The following PROM1 variants were observed in gnomAD, a reference collection of about 807,000 sequenced individuals.
PROM1 encodes the protein prominin-1.
A neutral mutation model predicts 116.9 loss-of-function variants in PROM1; 105 were observed. That is an observed-to-expected ratio of 0.90 (90% CI 0.77 to 1.06). The LOEUF (loss-of-function observed/expected upper bound fraction) is 1.06, where lower values mean the gene tolerates loss of function less well. Ranked by LOEUF, PROM1 falls within the 50% of genes least tolerant of loss-of-function variation. The probability of loss-of-function intolerance (pLI) is 0.00; values close to 1 mark genes in which losing one functional copy is unlikely to be tolerated. For missense variants in PROM1, 1,122 were observed against 1,045.2 expected (o/e 1.07, Z -1.01); for synonymous variants, 393 against 387.0 (o/e 1.02, Z -0.18).
chr4:16,001,253 G>A (rs532341386), intron 13 of PROM1, among the ~76,000 whole-genome samples: 8 of 152,302 alleles, frequency 5.3e-5, no homozygotes, highest in Non-Finnish European at 1.2e-4. Flanking sequence ...CAAGGGCAGT[G>A]CCAGGGAGCG....
intron 19 of PROM1, among the ~76,000 whole-genome samples, chr4:15,988,466 C>T (rs1720070844): frequency 6.6e-6 from 1 of 152,220 alleles, no homozygotes; most frequent in Non-Finnish European, 1.5e-5. Flanking sequence ...TCCTTGTAAT[C>T]AAAAGCAGCC....
At chr4:15,971,116 C>T (rs757331302) in intron 26 of PROM1, 34 bp from the exon 27 acceptor site, 109 of 1,534,978 alleles carry the variant, frequency 7.1e-5, no homozygotes, top group Middle Eastern at 5.0e-4. Flanking sequence ...ATATAATACC[C>T]CCAACAAAGC....
intron 1 of PROM1, among the ~76,000 whole-genome samples, chr4:16,081,277 T>C (rs1744996491): frequency 6.6e-6 from 1 of 152,046 alleles, no homozygotes; most frequent in Non-Finnish European, 1.5e-5. Flanking sequence ...AGTGTTTTCA[T>C]TGTTCAATTC....
chr4:15,997,289 A>G (rs1722561339), intron 15 of PROM1, among the ~76,000 whole-genome samples: 1 of 117,806 alleles, frequency 8.5e-6, no homozygotes, highest in Admixed American at 1.0e-4. Flanking sequence ...ATTCATATAT[A>G]TATATATATG....
At chr4:16,049,679 T>C (rs1737394966) in intron 2 of PROM1, among the ~76,000 whole-genome samples, 1 of 151,812 alleles carries the variant, frequency 6.6e-6, no homozygotes, top group African/African-American at 2.4e-5. Context: ...CTACCAGTCA[T>C]AATTGTACTG....
chr4:16,058,344 T>C (rs1427813646), intron 2 of PROM1, among the ~76,000 whole-genome samples: 1 of 152,186 alleles, frequency 6.6e-6, no homozygotes, highest in African/African-American at 2.4e-5. Flanking sequence ...CATTCAATAT[T>C]ATTAGCCAAA....
At chr4:16,011,426 G>A (rs1231257662) in intron 11 of PROM1, among the ~76,000 whole-genome samples, 4 of 152,316 alleles carry the variant, frequency 2.6e-5, no homozygotes, top group East Asian at 1.9e-4. Context: ...ACCTAAACAC[G>A]AGAGCAAAGG....
In PROM1 at chr4:16,013,541, A is replaced by G. The variant is rs185041358; in HGVS notation, c.1078-203T>C. Among the ~76,000 whole-genome samples the G allele has an allele frequency of 3.9e-5, 6 of 152,342 alleles. No homozygotes were observed. In the East Asian group the frequency reaches 9.6e-4, roughly 24 times the overall value. On this transcript the variant is annotated intron_variant, in intron 10 of 27. Transcript: ENST00000447510. ...CATTGTCTTTAAATTATATCAATCA[A>G]AGGTCGTGTTAGAAGTTTTTCATAT...
chr4:15,985,110 A>G, intron 22 of PROM1, among the ~76,000 whole-genome samples: 1 of 152,246 alleles, frequency 6.6e-6, no homozygotes, highest in African/African-American at 2.4e-5. Flanking sequence ...GGATAGTTGT[A>G]CCTTTACTGA....
intron 26 of PROM1, among the ~76,000 whole-genome samples, chr4:15,973,308 A>C (rs1157638452): frequency 6.6e-6 from 1 of 152,190 alleles, no homozygotes; most frequent in Non-Finnish European, 1.5e-5. Flanking sequence ...TTAGCTGAGC[A>C]CGGTGGTGTG....
chr4:16,028,390 T>C (rs1731850342), intron 5 of PROM1, among the ~76,000 whole-genome samples: 7 of 152,224 alleles, frequency 4.6e-5, no homozygotes, highest in Admixed American at 2.6e-4. Flanking sequence ...ACCACCATGA[T>C]GGCAGATAAA....
At chr4:16,032,689 A>G (rs1311228680) in intron 5 of PROM1, among the ~76,000 whole-genome samples, 1 of 152,218 alleles carries the variant, frequency 6.6e-6, no homozygotes, top group Non-Finnish European at 1.5e-5. Flanking sequence ...TCTTAAAAGC[A>G]ATGTATTTCT....
intron 11 of PROM1, among the ~76,000 whole-genome samples, chr4:16,011,790 A>G (rs767298509): frequency 6.6e-6 from 1 of 152,206 alleles, no homozygotes; most frequent in East Asian, 1.9e-4. Context: ...CAAAACATCT[A>G]AAGTGTCATG....
At chr4:16,001,752 C>T (rs1473213870) in intron 13 of PROM1, among the ~76,000 whole-genome samples, 2 of 152,040 alleles carry the variant, frequency 1.3e-5, no homozygotes, top group East Asian at 1.9e-4. Flanking sequence ...AGGCAGCAAG[C>T]GCAGATCACT....
rs892019869 is a variant in PROM1, at chr4:16,025,211, A to C, written c.611T>G (p.Leu204Arg). 5.6e-6 allele frequency: 9 copies of C among 1,613,800 alleles called. No individual in the cohort carries two copies. The African/African-American group carries it at 1.2e-4, about 22-fold the overall frequency. ...TTTTACCTCTGGAGTTTCATTCAAG[A>C]GAGTTCGCAAGTCCTTGAAATTGCT... Reference protein sequence around the residue: ...ADSNFKDLRTLLNETPEQIKY... With the variant: ...ADSNFKDLRTRLNETPEQIKY... The change falls in exon 6 of 28, where the codon CTC (leucine) becomes CGC (arginine). Residue 204 changes from leucine to arginine, a missense_variant. Coordinates refer to ENST00000447510, the MANE Select transcript of PROM1 (RefSeq NM_006017.3).
chr4:16,019,891 C>CACAT (rs1553912088), intron 8 of PROM1, among the ~76,000 whole-genome samples: 8 of 151,976 alleles, frequency 5.3e-5, no homozygotes, highest in South Asian at 2.1e-4. Flanking sequence ...CACACACACA[C>CACAT]ACACACATTT....
At chr4:16,069,718 A>T (rs577763251) in intron 2 of PROM1, among the ~76,000 whole-genome samples, 1 of 152,334 alleles carries the variant, frequency 6.6e-6, no homozygotes, top group East Asian at 1.9e-4. Flanking sequence ...AAGTTATTGG[A>T]AGTATTCAGG....
chr4:16,033,538 T>C (rs1316709162), intron 4 of PROM1, 29 bp from the exon 5 acceptor site: 4 of 1,461,072 alleles, frequency 2.7e-6, no homozygotes, highest in African/African-American at 2.8e-5. Context: ...AAACAGCACA[T>C]ATTGTAGCAC....
rs188863442 is a variant in PROM1 at position 16,072,082 on chromosome 4, C to G, written c.220+3605G>C. ...CCCACAGCAGGTTCTAGAATACATT[C>G]TGCCATGTCAACACAGGGGTGGTTA... On this transcript the variant is annotated intron_variant, in intron 2 of 27. Coordinates refer to ENST00000447510, the MANE Select transcript of PROM1 (RefSeq NM_006017.3). Among the ~76,000 whole-genome samples the G allele has an allele frequency of 3.2e-3, 494 of 152,284 alleles. 3 individuals are homozygous for G. The highest frequency in any genetic ancestry group is 4.6e-3 in the Non-Finnish European group (311 of 68,032).
Sources: gnomAD v4.1 joint callset for allele counts (sites outside exome capture counted in the v4.1 genomes callset) on GRCh38, gnomAD v4.1.1 for gene constraint, MANE v1.5 for transcripts, NCBI Gene and HGNC (gene_info 2026-07-23, HGNC 2026-07-21) for gene names.